The following PAK5 variants were observed in gnomAD, a reference collection of about 807,000 sequenced individuals.
The protein encoded by PAK5 is p21 (RAC1) activated kinase 5.
A neutral mutation model predicts 65.9 loss-of-function variants in PAK5; 16 were observed. The observed-to-expected ratio is 0.24, with a 90% CI of 0.16 to 0.37. The LOEUF (loss-of-function observed/expected upper bound fraction) is 0.37, where lower values mean the gene tolerates loss of function less well. Among genes scored for constraint, PAK5 ranks in the 10% least tolerant of loss-of-function variants. PAK5 has a pLI of 1.00. For synonymous variants in PAK5, 371 were observed against 354.9 expected, an observed-to-expected ratio of 1.05 and a Z score of -0.51; for missense variants, 785 against 903.9, an observed-to-expected ratio of 0.87 and a Z score of 1.69.
intron 3 of PAK5, among the ~76,000 whole-genome samples, chr20:9,640,860 C>T (rs975015373): frequency 2.0e-5 from 3 of 152,118 alleles, no homozygotes; most frequent in Non-Finnish European, 2.9e-5. Flanking sequence ...CAGATCTTCA[C>T]GGTGAGTGTT....
At chr20:9,603,460 C>G (rs930558678) in intron 3 of PAK5, among the ~76,000 whole-genome samples, 1 of 152,180 alleles carries the variant, frequency 6.6e-6, no homozygotes, top group Non-Finnish European at 1.5e-5. Flanking sequence ...AGAATCAGCT[C>G]CTCCTGGCAC....
Position 9,807,128 on chromosome 20 carries a change from G to A in PAK5, c.-162+31634C>T, listed in dbSNP as rs541094451. Among the ~76,000 whole-genome samples the A allele has an allele frequency of 2.2e-4, 34 of 152,240 alleles. 1 individual carries two copies. Among genetic ancestry groups the A allele is most frequent in the Middle Eastern group, 3.4e-3 (1 of 294 alleles). On this transcript the variant is annotated intron_variant, in intron 1 of 9. Transcript: ENST00000353224. ...TGTTGGGCCTACTCAGTTAATATAA[G>A]ATAATCTCCGCATCTCAAGATCCTT...
At chr20:9,813,438 G>T (rs2049320922) in intron 1 of PAK5, among the ~76,000 whole-genome samples, 1 of 152,024 alleles carries the variant, frequency 6.6e-6, no homozygotes, top group Admixed American at 6.6e-5. Context: ...ATTGTGATGG[G>T]GGTAAAGCTA....
intron 1 of PAK5, among the ~76,000 whole-genome samples, chr20:9,724,934 G>C (rs1044554350): frequency 1.3e-5 from 2 of 152,128 alleles, no homozygotes; most frequent in Non-Finnish European, 2.9e-5. Context: ...ATAAATGCTT[G>C]AGGTGATGGA....
intron 1 of PAK5, among the ~76,000 whole-genome samples, chr20:9,725,820 A>G (rs554261485): frequency 1.3e-5 from 2 of 152,300 alleles, no homozygotes; most frequent in South Asian, 4.1e-4. Flanking sequence ...ATGCACTGAT[A>G]TGTTATATTC....
At chr20:9,668,705 C>T (rs2423402) in intron 2 of PAK5, among the ~76,000 whole-genome samples, 138,952 of 152,308 alleles carry the variant, frequency 0.91, 63,538 homozygotes, top group African/African-American at 0.97. Context: ...GAAGTTGTAT[C>T]AGCTGTTCCT....
chr20:9,586,829 T>C (rs1469344449), intron 3 of PAK5, among the ~76,000 whole-genome samples: 1 of 152,172 alleles, frequency 6.6e-6, no homozygotes, highest in African/African-American at 2.4e-5. Context: ...AATACTGCTA[T>C]AAGCTAAATG....
intron 2 of PAK5, among the ~76,000 whole-genome samples, chr20:9,707,410 G>C (rs1436870897): frequency 6.6e-6 from 1 of 152,108 alleles, no homozygotes; most frequent in Non-Finnish European, 1.5e-5. Context: ...GCCCCTTCTT[G>C]TTTTAAATTC....
chr20:9,543,764 C>T (rs2045303085), intron 8 of PAK5, among the ~76,000 whole-genome samples: 1 of 152,172 alleles, frequency 6.6e-6, no homozygotes. Flanking sequence ...GGCCCTTCCT[C>T]TACTCCTCTG....
intron 3 of PAK5, among the ~76,000 whole-genome samples, chr20:9,605,486 G>C (rs1165697535): frequency 6.6e-6 from 1 of 152,198 alleles, no homozygotes; most frequent in East Asian, 1.9e-4. Flanking sequence ...AAACCTCTCT[G>C]TAAATATCAG....
intron 1 of PAK5, among the ~76,000 whole-genome samples, chr20:9,817,602 G>C (rs1212026469): frequency 6.6e-6 from 1 of 152,170 alleles, no homozygotes; most frequent in Admixed American, 6.5e-5. Context: ...AAGTAAATCA[G>C]AGTCACATTT....
intron 1 of PAK5, among the ~76,000 whole-genome samples, chr20:9,772,568 A>G (rs935949903): frequency 1.3e-5 from 2 of 152,220 alleles, no homozygotes; most frequent in African/African-American, 4.8e-5. Context: ...TTATGACCAT[A>G]AAGAAGCTGC....
intron 1 of PAK5, among the ~76,000 whole-genome samples, chr20:9,776,280 A>T (rs576653900): frequency 6.6e-6 from 1 of 152,194 alleles, no homozygotes; most frequent in African/African-American, 2.4e-5. Flanking sequence ...CATAGTCTAT[A>T]TCTTTGCTGC....
At chr20:9,702,564 C>A (rs1234782333) in intron 2 of PAK5, among the ~76,000 whole-genome samples, 1 of 152,150 alleles carries the variant, frequency 6.6e-6, no homozygotes, top group African/African-American at 2.4e-5. Context: ...GAGCTGACTG[C>A]CATGGTTCCT....
At chr20:9,831,814 A>C (rs221019) in intron 1 of PAK5, among the ~76,000 whole-genome samples, 14,913 of 152,106 alleles carry the variant, frequency 0.098, 844 homozygotes, top group Middle Eastern at 0.14. Flanking sequence ...GGCCTACTAC[A>C]TTTTTTAAAA....
chr20:9,705,161 C>T (rs951666603), intron 2 of PAK5, among the ~76,000 whole-genome samples: 4 of 152,048 alleles, frequency 2.6e-5, no homozygotes, highest in African/African-American at 9.7e-5. Context: ...AATGCCATCA[C>T]TGCTGCTGTT....
At chr20:9,721,754 T>C (rs572662666) in intron 1 of PAK5, among the ~76,000 whole-genome samples, 2 of 151,454 alleles carry the variant, frequency 1.3e-5, no homozygotes, top group African/African-American at 4.9e-5. Flanking sequence ...GTGTGTTTAA[T>C]GTACTTCTAA....
chr20:9,647,753 C>T (rs553390422), intron 2 of PAK5, among the ~76,000 whole-genome samples: 4 of 152,296 alleles, frequency 2.6e-5, no homozygotes, highest in African/African-American at 7.2e-5. Flanking sequence ...TAAAGAGTTA[C>T]AGAGGAACAA....
In PAK5 at chr20:9,617,954, C is replaced by T. The variant is rs528863905; in HGVS notation, c.204+26171G>A. ...TTTGTTGTCAAAGCATCAAAGATAC[C>T]TTTAAGCCTCTAAATTGTGTCCTGA... is the stretch of plus-strand genomic sequence containing the variant. On this transcript the variant is annotated intron_variant, in intron 3 of 9. Coordinates refer to ENST00000353224, the MANE Select transcript of PAK5 (RefSeq NM_177990.4). Among the ~76,000 whole-genome samples the T allele has an allele frequency of 5.9e-5, 9 of 152,268 alleles. No individual in the cohort carries two copies. In the South Asian group the frequency reaches 1.7e-3, roughly 28 times the overall value.
Sources: allele counts gnomAD v4.1 joint callset (sites outside exome capture counted in the v4.1 genomes callset), GRCh38; gene constraint gnomAD v4.1.1; transcripts MANE v1.5; gene names NCBI Gene and HGNC (gene_info 2026-07-23, HGNC 2026-07-21).